Variants in TSC2 observed in about 807,000 individuals in gnomAD.
The protein encoded by TSC2 is TSC complex subunit 2, also known as tuberin.
Under a neutral mutation model 202.2 loss-of-function variants are expected in TSC2, and 29 were observed. The ratio of observed to expected loss-of-function variants is 0.14; its 90% CI spans 0.11 to 0.20. The LOEUF (loss-of-function observed/expected upper bound fraction) is 0.20, where lower values mean the gene tolerates loss of function less well. Among genes scored for constraint, TSC2 ranks in the 10% least tolerant of loss-of-function variants. The probability of loss-of-function intolerance (pLI) is 1.00; values close to 1 mark genes in which losing one functional copy is unlikely to be tolerated. For missense variants in TSC2, 2,429 were observed against 2,420.0 expected, an observed-to-expected ratio of 1.00 and a Z score of -0.08; for synonymous variants, 1,349 against 1,044.0, an observed-to-expected ratio of 1.29 and a Z score of -5.63.
At chr16:2,055,752 A>G (rs1206159753) in intron 6 of TSC2, 3 of 495,636 alleles carry the variant, frequency 6.1e-6, no homozygotes, top group Non-Finnish European at 1.1e-5. Context: ...TTAGCCGGGC[A>G]TGGTGGTGGG....
intron 17 of TSC2, 125 bp downstream of exon 17, chr16:2,070,703 C>A: frequency 6.7e-7 from 1 of 1,489,396 alleles, no homozygotes; most frequent in South Asian, 1.3e-5. Context: ...ACCGTCCCTC[C>A]TCTGCACCCA....
chr16:2,081,578 T>C lies in TSC2; in HGVS notation c.3611-17T>C, dbSNP rs2090146202. 3.1e-6 allele frequency: 5 copies of C among 1,612,790 alleles called. No individual in the cohort carries two copies. Among genetic ancestry groups the C allele is most frequent in the Non-Finnish European group, 3.4e-6 (4 of 1,179,942 alleles). On this transcript the variant is annotated splice_polypyrimidine_tract_variant and intron_variant, in intron 30 of 41. Coordinates refer to ENST00000219476, the MANE Select transcript of TSC2 (RefSeq NM_000548.5). Reference sequence around the variant, plus strand: ...GGAGGTACTGGCCTCAGGCCAAAGGTGCTGCCGCCTCCGCAGGGAACACCA... The same window carrying C: ...GGAGGTACTGGCCTCAGGCCAAAGGCGCTGCCGCCTCCGCAGGGAACACCA...
Position 2,058,853 on chromosome 16 carries a change from G to C in TSC2, c.955G>C (p.Val319Leu), listed in dbSNP as rs1432086775. The part of the protein sequence containing the change: ...LYSLRNSPTS[V>L]LPSFYQAMAC... ...TTCTCTCAGGAACTCGCCGACATCTGTGTTGCCATCATTTTACCAGGTAAG... is the reference window on the plus strand; with the variant it reads ...TTCTCTCAGGAACTCGCCGACATCTCTGTTGCCATCATTTTACCAGGTAAG... The change falls in exon 10 of 42, where the codon GTG becomes CTG. Residue 319 changes from valine to leucine, a missense_variant. Val to Leu is a conservative substitution (Grantham distance 32). Coordinates refer to ENST00000219476, the MANE Select transcript of TSC2 (RefSeq NM_000548.5). The C allele has an allele frequency of 6.2e-7, 1 of 1,608,426 alleles. No individual in the cohort carries two copies. The highest frequency in any genetic ancestry group is 8.5e-7 in the Non-Finnish European group (1 of 1,177,512).
chr16:2,065,150 A>G (rs2087151676), intron 15 of TSC2: 1 of 224,306 alleles, frequency 4.5e-6, no homozygotes, highest in African/African-American at 2.3e-5. Context: ...ACGGTGGCTC[A>G]TGCCTGTAAT....
At position 2,088,716 on chromosome 16, in the gene TSC2, A is replaced by T; in HGVS notation, c.*106A>T. 7.0e-7 allele frequency: 1 copy of T among 1,431,532 alleles called. No homozygotes were observed. Among genetic ancestry groups the T allele is most frequent in the Non-Finnish European group, 9.4e-7 (1 of 1,062,310 alleles). 88.7% of individuals were successfully genotyped at this position (1,431,532 alleles called of 1,614,324 possible). A position where few individuals can be genotyped will look rare whatever the true frequency, so the allele number is the denominator to read the frequency against. ...AGACATAGAGGCACAGATTGCAGTC[A>T]GACAGCTCTTTTATTGACTTTGTCT... On this transcript the variant is annotated 3_prime_UTR_variant, in exon 42 of 42. Coordinates refer to ENST00000219476, the MANE Select transcript of TSC2 (RefSeq NM_000548.5).
chr16:2,081,761 C>T lies in TSC2; in HGVS notation c.3777C>T (p.Ser1259=), dbSNP rs786202178. 1.9e-6 allele frequency: 3 copies of T among 1,612,680 alleles called. No individual in the cohort carries two copies. In the East Asian group the frequency reaches 6.7e-5, roughly 36 times the overall value. The stretch of plus-strand genomic sequence containing the variant: ...AGTCACTGTCGGTGCCGGCAGCCAG[C>T]ACGGCCAAACCCCCTCCTCTGCCTC... ...LYKSLSVPAA[S]TAKPPPLPRS... Residue 1259 remains serine, a synonymous_variant, in exon 31 of 42, where the codon AGC becomes AGT. Transcript: ENST00000219476.
chr16:2,058,331 G>A (rs1158963994), intron 9 of TSC2, among the ~76,000 whole-genome samples: 1 of 152,232 alleles, frequency 6.6e-6, no homozygotes, highest in Non-Finnish European at 1.5e-5. Context: ...TCTGTTTACT[G>A]AGGTCTTAGC....
rs1309246481 is a variant in TSC2 at position 2,072,450 on chromosome 16, A to G, written c.2220+87A>G. ...CGAGCCTCTGGGCAGAGCGAGTGAG[A>G]CCCTTCGGGCTCGGGCTCCATTTCC... On this transcript the variant is annotated intron_variant, in intron 20 of 41. Coordinates refer to ENST00000219476, the MANE Select transcript of TSC2 (RefSeq NM_000548.5). 4 of 1,568,810 alleles carry G rather than the reference A, an allele frequency of 2.5e-6. No individual in the cohort carries two copies. In the African/African-American group the frequency reaches 4.1e-5, roughly 16 times the overall value.
chr16:2,061,553 C>T (rs2086636826), intron 11 of TSC2: 3 of 445,522 alleles, frequency 6.7e-6, no homozygotes, highest in African/African-American at 6.0e-5. Flanking sequence ...GCTGCATGGG[C>T]ACAGCCAAGA....
rs760489473 is a variant in TSC2, at chr16:2,071,908, C to T, written c.2071C>T (p.Arg691Cys). Residue 691 changes from arginine (R) to cysteine (C), a missense_variant, in exon 19 of 42, where the codon CGC (arginine) becomes TGC (cysteine). Arg to Cys is a radical substitution (Grantham distance 180). Coordinates refer to ENST00000219476, the MANE Select transcript of TSC2 (RefSeq NM_000548.5). Reference protein sequence around the residue: ...LGSVPYSLLFRVLLQCLKQES... With the variant: ...LGSVPYSLLFCVLLQCLKQES... ...GTCCGTGCCCTACTCCCTGCTCTTC[C>T]GCGTCCTGCTGCAGTGCTTGAAGCA... 5.8e-5 allele frequency: 93 copies of T among 1,593,712 alleles called. No individual in the cohort carries two copies. Among genetic ancestry groups the T allele is most frequent in the Middle Eastern group, 1.7e-4 (1 of 5,952 alleles).
chr16:2,083,060 C>T (rs560203289), intron 32 of TSC2: 10 of 453,280 alleles, frequency 2.2e-5, no homozygotes, highest in East Asian at 6.9e-5. Context: ...GGAAGGGCTG[C>T]GTGGGACGGG....
chr16:2,085,092 C>T (rs993180024), intron 35 of TSC2, 66 bp downstream of exon 35: 4 of 1,607,234 alleles, frequency 2.5e-6, no homozygotes, highest in Non-Finnish European at 2.6e-6. Flanking sequence ...GTGGGGGGCC[C>T]AGCTCTGCTG....
chr16:2,055,083 G>A, intron 5 of TSC2: 1 of 443,150 alleles, frequency 2.3e-6, no homozygotes, highest in South Asian at 2.1e-5. Context: ...GAACGCCCAG[G>A]AGTCTGGTGA....
rs149169643 is a variant in TSC2, at chr16:2,075,812, G to C, written c.2559G>C (p.Leu853=). ...LLEFLSTLAR[L]PHLYRNFAAE... ...CCATTACCGCAGCTCTGGCCAGGCT[G>C]CCGCACCTCTACAGGAACTTTGCCG... Residue 853 remains leucine, a synonymous_variant, in exon 23 of 42, where the codon CTG becomes CTC. Transcript: ENST00000219476. 3 of 1,612,638 alleles carry C rather than the reference G, an allele frequency of 1.9e-6. No homozygotes were observed. The highest frequency in any genetic ancestry group is 2.7e-5 in the African/African-American group (2 of 74,944).
chr16:2,054,827 T>G lies in TSC2; in HGVS notation c.481+387T>G, dbSNP rs1003889595. The G allele has an allele frequency of 8.3e-6, 3 of 362,810 alleles. No individual in the cohort carries two copies. The Admixed American group carries it at 1.2e-4, about 15-fold the overall frequency. The allele number at this position is 362,810 out of a possible 1,614,324, so 22.5% of individuals were successfully genotyped here. A position where few individuals can be genotyped will look rare whatever the true frequency, so the allele number is the denominator to read the frequency against. On this transcript the variant is annotated intron_variant, in intron 5 of 41. Coordinates refer to ENST00000219476, the MANE Select transcript of TSC2 (RefSeq NM_000548.5). ...TGTGGACCTTCCTCCTGCCATCCTG[T>G]GGTGGGAGGTTTCCATTAGTCTTGG...
chr16:2,079,742 G>A lies in TSC2; in HGVS notation c.3397+73G>A, dbSNP rs1420495861. The A allele has an allele frequency of 4.1e-6, 6 of 1,473,484 alleles. No homozygotes were observed. Among genetic ancestry groups the A allele is most frequent in the Middle Eastern group, 2.4e-4 (1 of 4,176 alleles). 91.3% of individuals were successfully genotyped at this position (1,473,484 alleles called of 1,614,324 possible). A position where few individuals can be genotyped will look rare whatever the true frequency, so the allele number is the denominator to read the frequency against. ...AGTTGCTGCTGGTCCCAGTGTTCAG[G>A]AAGGCCCCGAGCCCAGGGGCCGGGG... On this transcript the variant is annotated intron_variant, in intron 29 of 41. Transcript: ENST00000219476. The surrounding 1 kb of genome is among the most constrained non-coding windows in gnomAD (Gnocchi z 4.6).
intron 16 of TSC2, 122 bp from the exon 17 acceptor site, chr16:2,070,334 C>G (rs1173594178): frequency 1.3e-6 from 2 of 1,540,040 alleles, no homozygotes; most frequent in Non-Finnish European, 1.8e-6. Context: ...GTTTGAAGGT[C>G]GTGTGTTTTG....
At chr16:2,048,158 C>G in intron 1 of TSC2, 93 bp downstream of exon 1, 1 of 1,536,106 alleles carries the variant, frequency 6.5e-7, no homozygotes, top group Non-Finnish European at 8.8e-7. Flanking sequence ...CGGGCCCTCA[C>G]CCGCGCCCAC....
chr16:2,087,989 G>C (rs1343894080), intron 39 of TSC2, 48 bp downstream of exon 39: 1 of 1,612,342 alleles, frequency 6.2e-7, no homozygotes, highest in Non-Finnish European at 8.5e-7. Context: ...GGGCCGGGTG[G>C]GGCCCTGCAG....
Sources: allele counts gnomAD v4.1 joint callset (sites outside exome capture counted in the v4.1 genomes callset), GRCh38; gene constraint gnomAD v4.1.1; non-coding constraint Gnocchi (gnomAD v3.1); transcripts MANE v1.5; gene names NCBI Gene and HGNC (gene_info 2026-07-23, HGNC 2026-07-21).